Variants in TOX2 observed in about 807,000 individuals in gnomAD.
TOX2 encodes TOX high mobility group box family member 2, also known as granulosa cell HMG box 1.
In TOX2, 15 loss-of-function variants were observed where a neutral mutation model predicts 47.4. The ratio of observed to expected loss-of-function variants is 0.32; its 90% CI spans 0.21 to 0.49. The LOEUF (loss-of-function observed/expected upper bound fraction) is 0.49, where lower values mean the gene tolerates loss of function less well. Among genes scored for constraint, TOX2 ranks in the 20% least tolerant of loss-of-function variants. TOX2 has a pLI of 0.99. For synonymous variants in TOX2, 290 were observed against 296.6 expected (o/e 0.98, Z 0.23); for missense variants, 622 against 673.1 (o/e 0.92, Z 0.84).
intron 3 of TOX2, among the ~76,000 whole-genome samples, chr20:44,041,903 C>T (rs1470776325): frequency 1.3e-5 from 2 of 152,208 alleles, no homozygotes; most frequent in Admixed American, 6.5e-5. Context: ...GAGAATCTTA[C>T]TCCAAAAAAT....
chr20:44,055,088 C>A (rs1459931497), intron 5 of TOX2, among the ~76,000 whole-genome samples: 1 of 152,166 alleles, frequency 6.6e-6, no homozygotes, highest in Non-Finnish European at 1.5e-5. Flanking sequence ...TCACTGAATC[C>A]TTACAACACC....
At chr20:43,951,213 A>G (rs976945681) in intron 1 of TOX2, among the ~76,000 whole-genome samples, 1 of 152,190 alleles carries the variant, frequency 6.6e-6, no homozygotes, top group Non-Finnish European at 1.5e-5. Flanking sequence ...TTTGAATCCC[A>G]GCTCCACCAC....
At chr20:43,924,093 G>A (rs953993642) in intron 1 of TOX2, among the ~76,000 whole-genome samples, 27 of 152,204 alleles carry the variant, frequency 1.8e-4, no homozygotes, top group South Asian at 6.2e-4. Context: ...ATTGAAGGGC[G>A]AGCTGCAAGC....
intron 3 of TOX2, among the ~76,000 whole-genome samples, chr20:44,037,065 C>T (rs2071253428): frequency 6.6e-6 from 1 of 152,220 alleles, no homozygotes; most frequent in South Asian, 2.1e-4. Context: ...AGCGATTCTC[C>T]TGCCTCAGCC....
intron 1 of TOX2, among the ~76,000 whole-genome samples, chr20:43,918,033 G>A (rs147418900): frequency 8.5e-4 from 118 of 138,082 alleles, no homozygotes; most frequent in African/African-American, 3.1e-3. Context: ...CAAAGATGAG[G>A]CCTGAGCCCA....
At chr20:44,027,996 G>C (rs1455140219) in intron 3 of TOX2, among the ~76,000 whole-genome samples, 1 of 152,172 alleles carries the variant, frequency 6.6e-6, no homozygotes, top group African/African-American at 2.4e-5. Flanking sequence ...TGGGCACTGG[G>C]GAAACGGCTC....
In TOX2 at chr20:44,050,233, G is replaced by T. The variant is rs1406247872; in HGVS notation, c.412-1073G>T. On this transcript the variant is annotated intron_variant, in intron 3 of 8. Transcript: ENST00000341197. ...ATAAAATACAACTCAAAATTGAGGGGGAAGCAGCAATTATGAATCTTTAAA... is the reference window on the plus strand; with the variant it reads ...ATAAAATACAACTCAAAATTGAGGGTGAAGCAGCAATTATGAATCTTTAAA... 2.6e-5 allele frequency among the ~76,000 whole-genome samples: 4 copies of T among 152,224 alleles called. No individual in the cohort carries two copies. In the East Asian group the frequency reaches 7.7e-4, roughly 29 times the overall value.
At chr20:44,059,266 A>C (rs770565497) in intron 5 of TOX2, among the ~76,000 whole-genome samples, 2 of 152,234 alleles carry the variant, frequency 1.3e-5, no homozygotes, top group Non-Finnish European at 2.9e-5. Context: ...CAAGTAGAAG[A>C]AAGAACTTCA....
intron 1 of TOX2, among the ~76,000 whole-genome samples, chr20:43,943,167 G>A (rs1466256130): frequency 2.0e-5 from 3 of 152,194 alleles, no homozygotes; most frequent in Non-Finnish European, 2.9e-5. Context: ...CGGGGTGCAC[G>A]AGTCAGGGTT....
intron 3 of TOX2, among the ~76,000 whole-genome samples, chr20:44,015,344 C>T (rs2070861490): frequency 6.6e-6 from 1 of 152,240 alleles, no homozygotes; most frequent in Non-Finnish European, 1.5e-5. Context: ...TTTTCAAACA[C>T]TCCTGCAGGG....
intron 1 of TOX2, among the ~76,000 whole-genome samples, chr20:43,952,808 C>T (rs890377766): frequency 2.0e-5 from 3 of 152,130 alleles, no homozygotes; most frequent in Admixed American, 1.3e-4. Flanking sequence ...TCGGTACTTA[C>T]GGGACTCACT....
rs532840911 is a variant in TOX2, at chr20:44,048,778, ATACT to A, written c.412-2525_412-2522del. Among the ~76,000 whole-genome samples the A allele has an allele frequency of 1.4e-3, 211 of 152,172 alleles. 1 individual carries two copies. Among genetic ancestry groups the A allele is most frequent in the African/African-American group, 4.6e-3 (191 of 41,546 alleles). On this transcript the variant is annotated intron_variant, in intron 3 of 8. Transcript: ENST00000341197. The stretch of plus-strand genomic sequence containing the variant: ...CAAAAAAAAAAATGAGACAAAAAAG[ATACT>A]TAATAAAGAGTTTAATCCATAATGA...
rs190416102 is a variant in TOX2, at chr20:43,981,160, G to A, written c.165+7728G>A. On this transcript the variant is annotated intron_variant, in intron 2 of 8. Transcript: ENST00000341197. ...TGGATTGACCAAAATCCAAAGGTTTGATAACACACTCGGTTGGAGTTCTTA... is the reference window on the plus strand; with the variant it reads ...TGGATTGACCAAAATCCAAAGGTTTAATAACACACTCGGTTGGAGTTCTTA... 5.9e-5 allele frequency among the ~76,000 whole-genome samples: 9 copies of A among 152,320 alleles called. No individual in the cohort carries two copies. In the East Asian group the frequency reaches 1.7e-3, roughly 29 times the overall value.
intron 5 of TOX2, 64 bp from the exon 6 acceptor site, chr20:44,064,713 G>A: frequency 6.6e-7 from 1 of 1,508,634 alleles, no homozygotes; most frequent in Non-Finnish European, 9.2e-7. Context: ...CCCACCCCAG[G>A]ACCCTGCACG....
chr20:43,982,163 T>C (rs1338670344), intron 2 of TOX2, among the ~76,000 whole-genome samples: 1 of 151,826 alleles, frequency 6.6e-6, no homozygotes, highest in Non-Finnish European at 1.5e-5. Flanking sequence ...GCTTTGTAGA[T>C]GGGTTGGCTG....
intron 1 of TOX2, among the ~76,000 whole-genome samples, chr20:43,970,064 C>T (rs1351985241): frequency 2.0e-5 from 3 of 152,252 alleles, no homozygotes; most frequent in Non-Finnish European, 4.4e-5. Context: ...CTGTTATGCG[C>T]CAGGCCCAAG....
intron 1 of TOX2, among the ~76,000 whole-genome samples, chr20:43,966,445 T>C (rs1420639813): frequency 6.6e-6 from 1 of 152,120 alleles, no homozygotes; most frequent in Admixed American, 6.6e-5. Context: ...TCCAGGCTCA[T>C]GGTGGGACGA....
chr20:44,029,406 G>C (rs534473066), intron 3 of TOX2, among the ~76,000 whole-genome samples: 21 of 152,288 alleles, frequency 1.4e-4, no homozygotes, highest in African/African-American at 5.1e-4. Context: ...ATAGTGAAAA[G>C]AGCTCAAACT....
chr20:43,996,245 G>T (rs537859841), intron 2 of TOX2, among the ~76,000 whole-genome samples: 1 of 152,200 alleles, frequency 6.6e-6, no homozygotes, highest in East Asian at 1.9e-4. Context: ...GTTTTGATTT[G>T]CATTTCTCTA....
Sources: gnomAD v4.1 joint callset for allele counts (sites outside exome capture counted in the v4.1 genomes callset) on GRCh38, gnomAD v4.1.1 for gene constraint, MANE v1.5 for transcripts, NCBI Gene and HGNC (gene_info 2026-07-23, HGNC 2026-07-21) for gene names.